ZP3: variants seen among roughly 807,000 people sequenced by gnomAD.
ZP3 encodes zona pellucida glycoprotein 3, also known as zona pellucida sperm-binding protein 3.
Under a neutral mutation model 35.6 loss-of-function variants are expected in ZP3, and 21 were observed. The observed-to-expected ratio is 0.59, with a 90% CI of 0.42 to 0.85. The LOEUF is 0.85. Ranked by LOEUF, ZP3 falls within the 40% of genes least tolerant of loss-of-function variation. The pLI, the probability that ZP3 is intolerant of heterozygous loss-of-function variation, is 0.00. For synonymous variants in ZP3, 207 were observed against 214.5 expected, an observed-to-expected ratio of 0.96 and a Z score of 0.31; for missense variants, 437 against 536.5, an observed-to-expected ratio of 0.81 and a Z score of 1.83.
chr7:76,398,901 A>C lies in ZP3; in HGVS notation c.-67+1104A>C, dbSNP rs1353509515. The C allele has an allele frequency of 3.4e-6, 4 of 1,178,520 alleles. No individual in the cohort carries two copies. The African/African-American group carries it at 6.2e-5, about 18-fold the overall frequency. 73.0% of individuals were successfully genotyped at this position (1,178,520 alleles called of 1,614,324 possible). A position where few individuals can be genotyped will look rare whatever the true frequency, so the allele number is the denominator to read the frequency against. On this transcript the variant is annotated intron_variant, in intron 1 of 8. Coordinates refer to the ZP3 transcript ENST00000336517. ...ATGGACCCATAAGGTGCTTGCCGCC[A>C]GAGCCTCTGGCCACACAAAGAGTCA...
chr7:76,410,949 C>T (rs1234788392), intron 1 of ZP3, among the ~76,000 whole-genome samples: 1 of 147,066 alleles, frequency 6.8e-6, no homozygotes, highest in African/African-American at 2.5e-5. Flanking sequence ...GAGCTGAGAT[C>T]GCACCACTGC....
intron 5 of ZP3, chr7:76,440,024 T>G (rs111476339): frequency 1.3e-5 from 7 of 528,908 alleles, no homozygotes; most frequent in Non-Finnish European, 2.1e-5. Context: ...ACTTTGTATT[T>G]TTAGTAGCGA....
intron 1 of ZP3, among the ~76,000 whole-genome samples, chr7:76,405,339 C>CTTTTTTTCTTTCTTTCTT (rs1804983054): frequency 4.7e-5 from 1 of 21,394 alleles, no homozygotes; most frequent in Admixed American, 6.1e-4. Flanking sequence ...TTCTTTCTTT[C>CTTTTTTTCTTTCTTTCTT]TTTTTTTTTT....
Position 76,424,964 on chromosome 7 carries a change from C to T in ZP3, c.-1C>T, listed in dbSNP as rs1164803932. On this transcript the variant is annotated 5_prime_UTR_variant, in exon 1 of 8. Transcript: ENST00000394857. ...CGGCTGCCTGCTGCTCTGCAGGTAC[C>T]ATGGAGCTGAGCTATAGGCTCTTCA... 3.3e-6 allele frequency: 5 copies of T among 1,527,242 alleles called. No homozygotes were observed. The highest frequency in any genetic ancestry group is 1.2e-5 in the South Asian group (1 of 83,734). 94.6% of individuals were successfully genotyped at this position (1,527,242 alleles called of 1,614,324 possible).
At chr7:76,409,553 C>T (rs1380995152) in intron 1 of ZP3, 1 of 152,208 alleles carries the variant, frequency 6.6e-6, no homozygotes, top group Non-Finnish European at 1.5e-5. Context: ...TCTTTTCTTT[C>T]CACAGCTGGA....
At chr7:76,429,386 C>T (rs1584060948) in intron 1 of ZP3, 129 bp from the exon 2 acceptor site, 2 of 832,170 alleles carry the variant, frequency 2.4e-6, no homozygotes, top group Middle Eastern at 4.6e-4. Flanking sequence ...GCATGAGTCA[C>T]TGCACCTGGC....
At chr7:76,430,947 C>T (rs1805809306) in intron 2 of ZP3, among the ~76,000 whole-genome samples, 1 of 152,206 alleles carries the variant, frequency 6.6e-6, no homozygotes, top group African/African-American at 2.4e-5. Context: ...GACATGCAGC[C>T]TGGGGGCTGG....
At chr7:76,425,393 T>C (rs1327003357) in intron 1 of ZP3, 117 bp downstream of exon 1, 1 of 1,149,218 alleles carries the variant, frequency 8.7e-7, no homozygotes, top group Admixed American at 2.7e-5. Flanking sequence ...CACTTGTAGG[T>C]GGGGAGGTGG....
At chr7:76,419,323 C>T (rs1340757665) in intron 1 of ZP3, among the ~76,000 whole-genome samples, 2 of 152,150 alleles carry the variant, frequency 1.3e-5, no homozygotes, top group Non-Finnish European at 2.9e-5. Context: ...TGTTCTTTCC[C>T]ATTCAGATCT....
intron 3 of ZP3, 85 bp downstream of exon 3, chr7:76,433,115 TTGTTTG>T: frequency 1.7e-6 from 2 of 1,194,004 alleles, no homozygotes; most frequent in Non-Finnish European, 2.4e-6. Context: ...TTTTTTTTGT[TTGTTTG>T]GTTTTGGTTT....
At chr7:76,428,180 A>AAAG (rs1554625141) in intron 1 of ZP3, among the ~76,000 whole-genome samples, 3 of 149,610 alleles carry the variant, frequency 2.0e-5, no homozygotes, top group Non-Finnish European at 4.4e-5. Flanking sequence ...AAAAAAAAAA[A>AAAG]GGCACGGTGG....
intron 5 of ZP3, among the ~76,000 whole-genome samples, chr7:76,435,607 A>G (rs896121750): frequency 3.3e-5 from 5 of 152,270 alleles, no homozygotes; most frequent in Non-Finnish European, 5.9e-5. Context: ...AGAGAGTCTC[A>G]TACCTTCACT....
At chr7:76,401,786 A>G (rs1277422998) in intron 1 of ZP3, among the ~76,000 whole-genome samples, 1 of 152,150 alleles carries the variant, frequency 6.6e-6, no homozygotes, top group African/African-American at 2.4e-5. Flanking sequence ...CTCAGCTAGA[A>G]GTGCTCTCTG....
chr7:76,397,628 A>G, exon 1 of ZP3: 1 of 1,613,516 alleles, frequency 6.2e-7, no homozygotes. Flanking sequence ...CACGTTGTCC[A>G]GCAGGATGTG....
intron 1 of ZP3, among the ~76,000 whole-genome samples, chr7:76,417,615 T>C (rs1439002370): frequency 4.9e-5 from 6 of 122,746 alleles, no homozygotes; most frequent in Non-Finnish European, 9.3e-5. Flanking sequence ...TCTTTTATTC[T>C]TTTTTTTTTT....
chr7:76,418,845 G>T (rs1028400259), intron 1 of ZP3, among the ~76,000 whole-genome samples: 2 of 152,168 alleles, frequency 1.3e-5, no homozygotes, highest in African/African-American at 4.8e-5. Context: ...CACAGAGGGA[G>T]ACTCTGTCTC....
chr7:76,400,573 C>T (rs938177086), intron 1 of ZP3: 73 of 1,480,650 alleles, frequency 4.9e-5, no homozygotes, highest in Non-Finnish European at 6.2e-5. Context: ...GCGGCTGGGG[C>T]CCCCCACCAG....
At chr7:76,425,376 T>C in intron 1 of ZP3, 100 bp downstream of exon 1, 2 of 1,295,326 alleles carry the variant, frequency 1.5e-6, no homozygotes, top group Non-Finnish European at 1.0e-6. Context: ...GTTGGGTGGA[T>C]CCCTCTCACT....
chr7:76,415,310 G>A (rs960813117), intron 1 of ZP3, among the ~76,000 whole-genome samples: 1 of 132,268 alleles, frequency 7.6e-6, no homozygotes, highest in Non-Finnish European at 1.5e-5. Flanking sequence ...AGGTTTCAGT[G>A]AGCCGAGATC....
Sources: allele counts gnomAD v4.1 joint callset (sites outside exome capture counted in the v4.1 genomes callset), GRCh38; gene constraint gnomAD v4.1.1; transcripts MANE v1.5; gene names NCBI Gene and HGNC (gene_info 2026-07-23, HGNC 2026-07-21).